The following CHM variants were observed in gnomAD, a reference collection of about 807,000 sequenced individuals.
CHM encodes rab proteins geranylgeranyltransferase component A 1.
CHM carries 10 observed loss-of-function variants against 49.0 expected under a neutral mutation model. The observed-to-expected ratio is 0.20, with a 90% CI of 0.13 to 0.35. CHM has a LOEUF of 0.35. Ranked by LOEUF, CHM falls within the 10% of genes least tolerant of loss-of-function variation. The probability of loss-of-function intolerance (pLI) is 1.00; values close to 1 mark genes in which losing one functional copy is unlikely to be tolerated. For synonymous variants in CHM, 184 were observed against 167.5 expected (o/e 1.10, Z -0.76); for missense variants, 455 against 478.4 (o/e 0.95, Z 0.46).
chrX:85,986,740 C>T lies in CHM; in HGVS notation c.117-4931G>A, dbSNP rs137997425. Among the ~76,000 whole-genome samples, 149 of 111,999 alleles carry T rather than the reference C, an allele frequency of 1.3e-3. 2 individuals carry two copies. The highest frequency in any genetic ancestry group is 4.5e-3 in the African/African-American group (140 of 30,840). On this transcript the variant is annotated intron_variant, in intron 2 of 14. Transcript: ENST00000357749. Reference sequence around the variant, plus strand: ...ATGGGAAAGAATCAATGCACGAACTCGGGTAACTCAAATGGCCAGTGTTGT... The same window carrying T: ...ATGGGAAAGAATCAATGCACGAACTTGGGTAACTCAAATGGCCAGTGTTGT...
At chrX:85,918,170 G>A (rs774297589) in intron 8 of CHM, among the ~76,000 whole-genome samples, 2 of 110,798 alleles carry the variant, frequency 1.8e-5, no homozygotes, top group African/African-American at 6.6e-5. Flanking sequence ...AGAGAAGGGG[G>A]AGATCAGGTA....
intron 2 of CHM, among the ~76,000 whole-genome samples, chrX:85,982,320 G>A (rs758118328): frequency 9.0e-6 from 1 of 110,850 alleles, no homozygotes; most frequent in East Asian, 2.8e-4. Flanking sequence ...CACACAATTG[G>A]CTACTCTAGA....
chrX:85,928,654 T>C (rs1928236754), intron 8 of CHM, among the ~76,000 whole-genome samples: 2 of 112,522 alleles, frequency 1.8e-5, no homozygotes, highest in African/African-American at 6.5e-5. Context: ...ATAAGTGCAA[T>C]ATGTAAGGCA....
rs145131189 is a variant in CHM, at chrX:85,875,927, G to A, written c.1610-2715C>T. Among the ~76,000 whole-genome samples, 681 of 111,705 alleles carry A rather than the reference G, an allele frequency of 6.1e-3. 11 individuals carry two copies. The East Asian group carries it at 0.079, about 13-fold the overall frequency. ...ACAATCAAGCACAGGGCTAAGTCAAGAATGCAATCCTATTTACAATGCCAC... is the reference window on the plus strand; with the variant it reads ...ACAATCAAGCACAGGGCTAAGTCAAAAATGCAATCCTATTTACAATGCCAC... On this transcript the variant is annotated intron_variant, in intron 13 of 14. Coordinates refer to ENST00000357749, the MANE Select transcript of CHM (RefSeq NM_000390.4).
intron 1 of CHM, among the ~76,000 whole-genome samples, chrX:86,031,744 G>A (rs2147796900): frequency 8.9e-6 from 1 of 111,937 alleles, no homozygotes; most frequent in Non-Finnish European, 1.9e-5. Flanking sequence ...GGAGGCTGAG[G>A]CAGGAGAATC....
rs377252568 is a variant in CHM at position 86,027,575 on chromosome X, C to T, written c.50-18G>A. 208 of 1,171,620 alleles carry T rather than the reference C, an allele frequency of 1.8e-4. No individual in the cohort carries two copies. In the African/African-American group the frequency reaches 2.5e-3, roughly 14 times the overall value. On this transcript the variant is annotated intron_variant, in intron 1 of 14. Coordinates refer to ENST00000357749, the MANE Select transcript of CHM (RefSeq NM_000390.4). ...AGGCAAACCTACAAAAACACACACC[C>T]GTATCATTTAGAATGTAGAAATATA...
intron 8 of CHM, among the ~76,000 whole-genome samples, chrX:85,937,919 A>C (rs1158449445): frequency 9.0e-6 from 1 of 111,276 alleles, no homozygotes; most frequent in East Asian, 2.8e-4. Flanking sequence ...CAAACTCTAT[A>C]ATCTATATAG....
chrX:85,953,037 C>T (rs978612361), intron 8 of CHM, among the ~76,000 whole-genome samples: 3 of 112,482 alleles, frequency 2.7e-5, no homozygotes, highest in South Asian at 3.6e-4. Flanking sequence ...ATCCTAAAGA[C>T]CCCATCAAAA....
intron 4 of CHM, among the ~76,000 whole-genome samples, chrX:85,964,927 G>A (rs2147678101): frequency 8.9e-6 from 1 of 112,720 alleles, no homozygotes; most frequent in South Asian, 3.6e-4. Flanking sequence ...ATACCTGGCA[G>A]AATGCCTTGT....
At chrX:85,959,107 C>T (rs1321109374) in intron 5 of CHM, 130 bp from the exon 6 acceptor site, 2 of 827,004 alleles carry the variant, frequency 2.4e-6, no homozygotes, top group East Asian at 7.4e-5. Context: ...TATTATAATA[C>T]ATAACACAAT....
intron 2 of CHM, among the ~76,000 whole-genome samples, chrX:86,022,542 T>C (rs965284893): frequency 9.0e-6 from 1 of 111,558 alleles, no homozygotes; most frequent in Non-Finnish European, 1.9e-5. Flanking sequence ...TTGATGGCTT[T>C]TCTCCTTTTA....
chrX:85,947,022 T>C lies in CHM; in HGVS notation c.1166+9131A>G, dbSNP rs757756361. Among the ~76,000 whole-genome samples the C allele has an allele frequency of 3.6e-5, 4 of 112,346 alleles. No individual in the cohort carries two copies. In the East Asian group the frequency reaches 1.1e-3, roughly 32 times the overall value. On this transcript the variant is annotated intron_variant, in intron 8 of 14. Transcript: ENST00000357749. Reference sequence around the variant, plus strand: ...TGTTTACCCAATACTTAAACCCCCATTGTATCTTGGAAGTAAATAACTTGT... The same window carrying C: ...TGTTTACCCAATACTTAAACCCCCACTGTATCTTGGAAGTAAATAACTTGT...
chrX:85,943,697 A>G (rs956705212), intron 8 of CHM, among the ~76,000 whole-genome samples: 1 of 112,088 alleles, frequency 8.9e-6, no homozygotes, highest in African/African-American at 3.2e-5. Context: ...CCAGAAAATA[A>G]CACAATATTT....
chrX:86,040,507 A>G, intron 1 of CHM, among the ~76,000 whole-genome samples: 1 of 112,519 alleles, frequency 8.9e-6, no homozygotes, highest in Non-Finnish European at 1.9e-5. Context: ...CACAAGTCCC[A>G]TGAAGGGGTC....
chrX:85,920,107 T>A (rs1292316290), intron 8 of CHM, among the ~76,000 whole-genome samples: 1 of 109,830 alleles, frequency 9.1e-6, no homozygotes, highest in Non-Finnish European at 1.9e-5. Context: ...TTTTTATTTT[T>A]TTTTTTGAGA....
At chrX:86,039,380 A>T (rs1241628010) in intron 1 of CHM, among the ~76,000 whole-genome samples, 1 of 110,916 alleles carries the variant, frequency 9.0e-6, no homozygotes, top group East Asian at 2.8e-4. Flanking sequence ...CACATAAATA[A>T]GACTAGTTTA....
At chrX:86,009,192 T>C (rs1932953869) in intron 2 of CHM, among the ~76,000 whole-genome samples, 2 of 112,169 alleles carry the variant, frequency 1.8e-5, no homozygotes, top group Admixed American at 9.5e-5. Flanking sequence ...ACTGCTGTTG[T>C]TCTAGATGTG....
intron 13 of CHM, among the ~76,000 whole-genome samples, chrX:85,877,811 G>A (rs1259264290): frequency 9.0e-6 from 1 of 111,099 alleles, no homozygotes; most frequent in Non-Finnish European, 1.9e-5. Flanking sequence ...CACTATCTCT[G>A]CATTAAGAAA....
In CHM at chrX:85,934,202, G is replaced by A. The variant is rs899982413; in HGVS notation, c.1166+21951C>T. On this transcript the variant is annotated intron_variant, in intron 8 of 14. Transcript: ENST00000357749. ...TCACTGTGTTACGCAGGATGGTCTC[G>A]ATCTCCTGACCTTGTGATCTGCCCA... Among the ~76,000 whole-genome samples, 13 of 105,996 alleles carry A rather than the reference G, an allele frequency of 1.2e-4. No homozygotes were observed. In the South Asian group the frequency reaches 3.9e-3, roughly 32 times the overall value. 92.0% of individuals were successfully genotyped at this position (105,996 alleles called of 115,157 possible).
Sources: gnomAD v4.1 joint callset for allele counts (sites outside exome capture counted in the v4.1 genomes callset) on GRCh38, gnomAD v4.1.1 for gene constraint, MANE v1.5 for transcripts, NCBI Gene and HGNC (gene_info 2026-07-23, HGNC 2026-07-21) for gene names.